DMXL1: variants seen among roughly 807,000 people sequenced by gnomAD.
DMXL1 encodes the protein Dmx like 1.
DMXL1 carries 99 observed loss-of-function variants against 319.2 expected under a neutral mutation model. The ratio of observed to expected loss-of-function variants is 0.31; its 90% CI spans 0.26 to 0.37. The LOEUF is 0.37. Ranked by LOEUF, DMXL1 falls within the 10% of genes least tolerant of loss-of-function variation. The probability of loss-of-function intolerance (pLI) is 1.00; values close to 1 mark genes in which losing one functional copy is unlikely to be tolerated. For missense variants in DMXL1, 3,745 were observed against 3,595.6 expected (o/e 1.04, Z -1.06); for synonymous variants, 1,385 against 1,235.2 (o/e 1.12, Z -2.54).
At chr5:119,108,868 C>G (rs945327654) in intron 4 of DMXL1, among the ~76,000 whole-genome samples, 4 of 151,778 alleles carry the variant, frequency 2.6e-5, no homozygotes, top group African/African-American at 9.7e-5. Context: ...ATGGTGTGAT[C>G]TCAACTCACT....
At chr5:119,077,463 T>C (rs971290694) in intron 1 of DMXL1, among the ~76,000 whole-genome samples, 3 of 149,256 alleles carry the variant, frequency 2.0e-5, no homozygotes, top group Admixed American at 6.7e-5. Flanking sequence ...TGTATTGTAT[T>C]ACATCTTCAT....
rs545468926 is a variant in DMXL1, at chr5:119,099,355, TG to T, written c.213+1252del. On this transcript the variant is annotated intron_variant, in intron 2 of 43. Coordinates refer to ENST00000539542, the MANE Select transcript of DMXL1 (RefSeq NM_001290321.3). ...CCTCCCAAATAGCTGGAATTACAGGTGCTCGCCATCATACCCGGCTAATTTT... is the reference window on the plus strand; with the variant it reads ...CCTCCCAAATAGCTGGAATTACAGGTCTCGCCATCATACCCGGCTAATTTT... 5.2e-3 allele frequency among the ~76,000 whole-genome samples: 791 copies of T among 152,114 alleles called. 5 individuals carry two copies. Among genetic ancestry groups the T allele is most frequent in the Non-Finnish European group, 9.1e-3 (621 of 67,974 alleles).
rs368651781 is a variant in DMXL1 at position 119,114,446 on chromosome 5, A to C, written c.498-29A>C. The C allele has an allele frequency of 4.1e-5, 62 of 1,495,698 alleles. No individual in the cohort carries two copies. In the African/African-American group the frequency reaches 4.6e-4, roughly 11 times the overall value. 92.7% of individuals were successfully genotyped at this position (1,495,698 alleles called of 1,614,324 possible). On this transcript the variant is annotated intron_variant, in intron 5 of 43. Coordinates refer to ENST00000539542, the MANE Select transcript of DMXL1 (RefSeq NM_001290321.3). Reference sequence around the variant, plus strand: ...ACTTTTTCTTTTTAGTTTTCATTGCAAATTATTCCTTATCTGTTTAATTTA... The same window carrying C: ...ACTTTTTCTTTTTAGTTTTCATTGCCAATTATTCCTTATCTGTTTAATTTA...
intron 39 of DMXL1, among the ~76,000 whole-genome samples, chr5:119,235,371 A>G (rs1787556921): frequency 6.6e-6 from 1 of 152,176 alleles, no homozygotes; most frequent in African/African-American, 2.4e-5. Flanking sequence ...TGGAAATTAA[A>G]AATACGATTC....
rs781589066 is a variant in DMXL1, at chr5:119,193,965, A to T, written c.7452A>T (p.Ser2484=). ...FHLQEHSNSN[S]YSWSLMRLAM... ...TCCAGGAACATTCTAATTCAAATTC[A>T]TATAGGTATGGTATATTTTATTTTA... The change falls in exon 30 of 44, where the codon TCA becomes TCT. Residue 2484 remains serine (S), a synonymous_variant. Coordinates refer to ENST00000539542, the MANE Select transcript of DMXL1 (RefSeq NM_001290321.3). 8 of 1,591,634 alleles carry T rather than the reference A, an allele frequency of 5.0e-6. No individual in the cohort carries two copies. Among genetic ancestry groups the T allele is most frequent in the Non-Finnish European group, 6.9e-6 (8 of 1,164,752 alleles).
chr5:119,199,355 G>A (rs1780250566), intron 32 of DMXL1, among the ~76,000 whole-genome samples: 1 of 152,196 alleles, frequency 6.6e-6, no homozygotes, highest in South Asian at 2.1e-4. Context: ...AGTTTGCTAA[G>A]GATAGTAACC....
Position 119,218,906 on chromosome 5 carries a change from A to G in DMXL1, c.8014-1566A>G, listed in dbSNP as rs138947966. Reference sequence around the variant, plus strand: ...TGTGTCAAAAACTATGAAGGGTCTCAGATTTTACCTTAAATTAAAACTAAC... The same window carrying G: ...TGTGTCAAAAACTATGAAGGGTCTCGGATTTTACCTTAAATTAAAACTAAC... On this transcript the variant is annotated intron_variant, in intron 35 of 43. Transcript: ENST00000539542. Among the ~76,000 whole-genome samples, 154 of 152,312 alleles carry G rather than the reference A, an allele frequency of 1.0e-3. 2 individuals are homozygous for G. Among genetic ancestry groups the G allele is most frequent in the African/African-American group, 3.6e-3 (150 of 41,580 alleles).
chr5:119,090,561 T>G (rs946858835), intron 1 of DMXL1, among the ~76,000 whole-genome samples: 1 of 145,916 alleles, frequency 6.9e-6, no homozygotes, highest in African/African-American at 2.6e-5. Flanking sequence ...TCTCCTCTGT[T>G]TTTTTTTTTT....
intron 9 of DMXL1, among the ~76,000 whole-genome samples, chr5:119,126,576 C>G (rs150010428): frequency 6.6e-6 from 1 of 152,070 alleles, no homozygotes; most frequent in East Asian, 1.9e-4. Flanking sequence ...TGCCCAACAC[C>G]GTGGACAATT....
At chr5:119,183,830 GTTCTA>G (rs919177595) in intron 28 of DMXL1, among the ~76,000 whole-genome samples, 7 of 152,208 alleles carry the variant, frequency 4.6e-5, no homozygotes, top group East Asian at 1.9e-4. Flanking sequence ...TTTAAAAAGT[GTTCTA>G]TTCATTCATT....
At position 119,197,949 on chromosome 5, in the gene DMXL1, C is replaced by A. The variant is rs767250259; in HGVS notation, c.7738C>A (p.Pro2580Thr). 1 of 1,614,036 alleles carries A rather than the reference C, an allele frequency of 6.2e-7. No individual in the cohort carries two copies. Among genetic ancestry groups the A allele is most frequent in the Non-Finnish European group, 8.5e-7 (1 of 1,179,924 alleles). ...HKALLEPTNTPFKSKHHLALS... is the reference protein window; with the variant it reads ...HKALLEPTNTTFKSKHHLALS... ...AGCTTTACTGGAACCTACAAACACT[C>A]CTTTCAAGTAGGTTTTCTTATGAAT... is the stretch of plus-strand genomic sequence containing the variant. The change falls in exon 32 of 44, where the codon CCT (proline) becomes ACT (threonine). Residue 2580 changes from proline to threonine, a missense_variant. Coordinates refer to ENST00000539542, the MANE Select transcript of DMXL1 (RefSeq NM_001290321.3).
chr5:119,181,772 A>T (rs1776816086), intron 28 of DMXL1, among the ~76,000 whole-genome samples: 1 of 152,186 alleles, frequency 6.6e-6, no homozygotes, highest in Admixed American at 6.5e-5. Flanking sequence ...AGATTGCGCC[A>T]CTGCACTCCA....
At position 119,178,100 on chromosome 5, in the gene DMXL1, T is replaced by C; in HGVS notation, c.6991T>C (p.Phe2331Leu). ...EILTAVYLSL[F>L]IHGLATHSSN... is the part of the protein sequence containing the mutation. ...TCTCACAGCAGTGTATCTTAGTCTC[T>C]TCATCCATGGCCTGGCCACACATTC... Residue 2331 changes from phenylalanine (F) to leucine (L), a missense_variant, in exon 28 of 44, where the codon TTC becomes CTC. Physicochemically the swap from Phe to Leu is conservative, Grantham distance 22. Coordinates refer to ENST00000539542, the MANE Select transcript of DMXL1 (RefSeq NM_001290321.3). 6.2e-7 allele frequency: 1 copy of C among 1,614,040 alleles called. No homozygotes were observed. Among genetic ancestry groups the C allele is most frequent in the Non-Finnish European group, 8.5e-7 (1 of 1,179,886 alleles).
chr5:119,099,485 G>A (rs1411877295), intron 2 of DMXL1, among the ~76,000 whole-genome samples: 9 of 152,168 alleles, frequency 5.9e-5, no homozygotes, highest in South Asian at 2.1e-4. Flanking sequence ...CTGGGATTAC[G>A]TGAGCCACTG....
At chr5:119,218,824 G>C (rs1234342074) in intron 35 of DMXL1, among the ~76,000 whole-genome samples, 1 of 152,106 alleles carries the variant, frequency 6.6e-6, no homozygotes, top group African/African-American at 2.4e-5. Context: ...GCTTTAAGTT[G>C]CATTTTTTTA....
intron 1 of DMXL1, among the ~76,000 whole-genome samples, chr5:119,075,325 C>G (rs1213736848): frequency 6.6e-6 from 1 of 150,854 alleles, no homozygotes; most frequent in Non-Finnish European, 1.5e-5. Flanking sequence ...CTGCAACCTC[C>G]GCCTCCCGGG....
At chr5:119,092,982 C>A (rs890543127) in intron 1 of DMXL1, among the ~76,000 whole-genome samples, 3 of 151,976 alleles carry the variant, frequency 2.0e-5, no homozygotes, top group African/African-American at 7.3e-5. Flanking sequence ...TTTGTGTGGA[C>A]ATGTTTTCAG....
At position 119,171,821 on chromosome 5, in the gene DMXL1, C is replaced by G. The variant is rs1261099827; in HGVS notation, c.6533C>G (p.Thr2178Ser). ...PLFSSPLSEQ[T>S]SVPLLFACTA... ...TTTTCTAGCCCTCTGTCAGAGCAAA[C>G]CTCAGTGCCTCTCCTCTTTGCTTGT... Residue 2178 changes from threonine (T) to serine (S), a missense_variant, in exon 25 of 44, where the codon ACC (threonine) becomes AGC (serine). Thr to Ser is a moderately conservative substitution (Grantham distance 58). This residue lies in a region of DMXL1 where 1,382 missense variants were observed against 1,269.5 expected (regional missense o/e 1.09). Transcript: ENST00000539542. 6.2e-7 allele frequency: 1 copy of G among 1,613,704 alleles called. No individual in the cohort carries two copies. The highest frequency in any genetic ancestry group is 1.1e-5 in the South Asian group (1 of 91,032).
chr5:119,090,116 G>A (rs1379135666), intron 1 of DMXL1, among the ~76,000 whole-genome samples: 2 of 134,474 alleles, frequency 1.5e-5, no homozygotes, highest in African/African-American at 5.4e-5. Context: ...TGCCTCCCGG[G>A]TTCAAGTGAT....
Sources: allele counts gnomAD v4.1 joint callset (sites outside exome capture counted in the v4.1 genomes callset), GRCh38; gene constraint gnomAD v4.1.1; regional missense constraint gnomAD v4.1.1; transcripts MANE v1.5; gene names NCBI Gene and HGNC (gene_info 2026-07-23, HGNC 2026-07-21).